Variants in EXT1 observed in about 807,000 individuals in gnomAD.
EXT1 encodes exostosin-1.
A neutral mutation model predicts 82.5 loss-of-function variants in EXT1; 20 were observed. That is an observed-to-expected ratio of 0.24 (90% CI 0.17 to 0.35). The LOEUF (loss-of-function observed/expected upper bound fraction) is 0.35, where lower values mean the gene tolerates loss of function less well. EXT1 is among the 10% of genes least tolerant of loss of function. EXT1 has a pLI of 1.00. For synonymous variants in EXT1, 348 were observed against 350.8 expected (o/e 0.99, Z 0.09); for missense variants, 757 against 936.5 (o/e 0.81, Z 2.50).
chr8:117,904,168 A>G (rs1356079452), intron 1 of EXT1, among the ~76,000 whole-genome samples: 1 of 152,264 alleles, frequency 6.6e-6, no homozygotes. Context: ...AAACGTGAGA[A>G]TAACTTCTCA....
In EXT1 at chr8:118,110,097, G is replaced by C. The variant is rs748945641; in HGVS notation, c.950C>G (p.Thr317Ser). The change falls in exon 1 of 11, where the codon ACC becomes AGC. Residue 317 changes from threonine (T) to serine (S), a missense_variant. Thr to Ser is a moderately conservative substitution (Grantham distance 58). Around this residue, in one of 4 missense-constraint regions of EXT1, gnomAD observed 247 missense variants for 330.1 expected, o/e 0.75. Transcript: ENST00000378204. ...CCCAGACACTTACTTCTCATACTCG[G>C]TGTTGTCTCTGTCACAGCGAGAATC... ...HKDSRCDRDNTEYEKYDYREM... is the reference protein window; with the variant it reads ...HKDSRCDRDNSEYEKYDYREM... 2 of 1,613,978 alleles carry C rather than the reference G, an allele frequency of 1.2e-6. No individual in the cohort carries two copies. The highest frequency in any genetic ancestry group is 4.5e-5 in the East Asian group (2 of 44,876).
At chr8:118,071,704 A>G (rs138110801) in intron 1 of EXT1, among the ~76,000 whole-genome samples, 30 of 152,308 alleles carry the variant, frequency 2.0e-4, no homozygotes, top group African/African-American at 6.7e-4. Flanking sequence ...ATCTCACAAG[A>G]AACGAATGCT....
At chr8:118,085,487 T>G (rs1175380050) in intron 1 of EXT1, among the ~76,000 whole-genome samples, 2 of 151,418 alleles carry the variant, frequency 1.3e-5, no homozygotes, top group Non-Finnish European at 2.9e-5. Flanking sequence ...TTGTTTTTTT[T>G]TTTTTTTTGG....
chr8:118,061,721 A>G (rs1261806541), intron 1 of EXT1, among the ~76,000 whole-genome samples: 1 of 152,252 alleles, frequency 6.6e-6, no homozygotes, highest in East Asian at 1.9e-4. Context: ...TAAGCAAAAT[A>G]TGAATATGTT....
chr8:117,970,866 C>T (rs140215107), intron 1 of EXT1, among the ~76,000 whole-genome samples: 365 of 152,256 alleles, frequency 2.4e-3, no homozygotes, highest in African/African-American at 8.3e-3. Flanking sequence ...CACTCACAAG[C>T]GGTGAATCCT....
intron 1 of EXT1, among the ~76,000 whole-genome samples, chr8:117,993,645 T>C (rs1012424945): frequency 2.0e-5 from 3 of 152,332 alleles, no homozygotes; most frequent in East Asian, 1.9e-4. Flanking sequence ...ATATCAAATA[T>C]GTTTGGCAGT....
In EXT1 at chr8:117,964,652, T is replaced by G. The variant is rs1199201856; in HGVS notation, c.963-127451A>C. On this transcript the variant is annotated intron_variant, in intron 1 of 10. Transcript: ENST00000378204. ...TTGTTTGTTTGTTTGTTTGTTTGTT[T>G]GTTTTTTGTTTTTTGAGACAGGCCC... Among the ~76,000 whole-genome samples the G allele has an allele frequency of 3.3e-5, 5 of 152,132 alleles. No homozygotes were observed. In the East Asian group the frequency reaches 7.7e-4, roughly 23 times the overall value.
Position 118,071,653 on chromosome 8 carries a change from C to A in EXT1, c.962+38432G>T, listed in dbSNP as rs2129963725. On this transcript the variant is annotated intron_variant, in intron 1 of 10. Transcript: ENST00000378204. ...AGCTTGCTACAGGAATTCTTCAGAC[C>A]CCTCTCCTCTCCCATCCTTCTATCC... Among the ~76,000 whole-genome samples, 2 of 152,078 alleles carry A rather than the reference C, an allele frequency of 1.3e-5. 1 individual carries two copies. The highest frequency in any genetic ancestry group is 4.2e-4 in the South Asian group (2 of 4,810).
intron 1 of EXT1, among the ~76,000 whole-genome samples, chr8:118,009,276 G>T (rs1469651609): frequency 6.6e-6 from 1 of 152,144 alleles, no homozygotes; most frequent in Non-Finnish European, 1.5e-5. Flanking sequence ...TCTAGGAAAG[G>T]CCAAATTCTT....
chr8:118,000,212 G>C (rs999058542), intron 1 of EXT1, among the ~76,000 whole-genome samples: 1 of 152,172 alleles, frequency 6.6e-6, no homozygotes, highest in African/African-American at 2.4e-5. Context: ...ATAAAAGACA[G>C]ATGGAAGGGA....
At chr8:118,056,118 T>G (rs1330345582) in intron 1 of EXT1, among the ~76,000 whole-genome samples, 1 of 152,222 alleles carries the variant, frequency 6.6e-6, no homozygotes, top group African/African-American at 2.4e-5. Flanking sequence ...TTTTAAAAGT[T>G]TACGAATTTG....
At chr8:117,875,681 A>C (rs1255457906) in intron 1 of EXT1, among the ~76,000 whole-genome samples, 1 of 152,134 alleles carries the variant, frequency 6.6e-6, no homozygotes, top group East Asian at 1.9e-4. Context: ...AAGTAAGCAA[A>C]AATTATCCGT....
intron 4 of EXT1, among the ~76,000 whole-genome samples, chr8:117,825,095 C>A (rs951061497): frequency 3.3e-5 from 5 of 152,062 alleles, no homozygotes; most frequent in African/African-American, 1.2e-4. Flanking sequence ...TGGACTCAAA[C>A]TCCTGAGCTC....
intron 1 of EXT1, among the ~76,000 whole-genome samples, chr8:117,931,447 T>A (rs1814060287): frequency 6.6e-6 from 1 of 151,276 alleles, no homozygotes; most frequent in Non-Finnish European, 1.5e-5. Context: ...ATATATATAT[T>A]TTGTGTGGGG....
Position 118,110,535 on chromosome 8 carries a change from A to G in EXT1, c.512T>C (p.Val171Ala). ...LDRDQLSPQY[V>A]HNLRSKVQSL... Reference sequence around the variant, plus strand: ...CTGCACTTTGGATCTCAAATTGTGCACATACTGAGGTGACAACTGGTCTCT... The same window carrying G: ...CTGCACTTTGGATCTCAAATTGTGCGCATACTGAGGTGACAACTGGTCTCT... The change falls in exon 1 of 11, where the codon GTG (valine) becomes GCG (alanine). Residue 171 changes from valine (V) to alanine (A), a missense_variant. Coordinates refer to ENST00000378204, the MANE Select transcript of EXT1 (RefSeq NM_000127.3). 6.2e-7 allele frequency: 1 copy of G among 1,614,184 alleles called. No individual in the cohort carries two copies.
At chr8:118,073,705 A>AAGAGAAGAGAAGAGG (rs1432260667) in intron 1 of EXT1, among the ~76,000 whole-genome samples, 1,755 of 102,684 alleles carry the variant, frequency 0.017, 170 homozygotes, top group African/African-American at 0.048. Context: ...AAGAGAAGAG[A>AAGAGAAGAGAAGAGG]AGCCTCTTAA....
rs184249971 is a variant in EXT1 at position 117,983,307 on chromosome 8, G to A, written c.962+126778C>T. Among the ~76,000 whole-genome samples, 9 of 152,152 alleles carry A rather than the reference G, an allele frequency of 5.9e-5. No individual in the cohort carries two copies. In the East Asian group the frequency reaches 1.7e-3, roughly 29 times the overall value. ...GAGACCAGCCTGGGCAACGTGGTGA[G>A]ATCCTGCCTTTATAAAAAATATTAA... On this transcript the variant is annotated intron_variant, in intron 1 of 10. Coordinates refer to ENST00000378204, the MANE Select transcript of EXT1 (RefSeq NM_000127.3).
At chr8:117,828,270 AT>A (rs1812040530) in intron 4 of EXT1, among the ~76,000 whole-genome samples, 1 of 152,188 alleles carries the variant, frequency 6.6e-6, no homozygotes, top group Non-Finnish European at 1.5e-5. Context: ...AAATGAATGT[AT>A]ACTTCTTTAA....
At chr8:117,913,645 G>T (rs1269854634) in intron 1 of EXT1, among the ~76,000 whole-genome samples, 1 of 152,178 alleles carries the variant, frequency 6.6e-6, no homozygotes, top group Non-Finnish European at 1.5e-5. Context: ...GCAAAGAGAG[G>T]ATCTGGTGGC....
Sources: gnomAD v4.1 joint callset for allele counts (sites outside exome capture counted in the v4.1 genomes callset) on GRCh38, gnomAD v4.1.1 for gene constraint, gnomAD v4.1.1 regional missense constraint, MANE v1.5 for transcripts, NCBI Gene and HGNC (gene_info 2026-07-23, HGNC 2026-07-21) for gene names.